R3HDM1: variants seen among roughly 807,000 people sequenced by gnomAD.
R3HDM1 encodes R3H domain containing 1, also known as R3H domain-containing protein 1.
A neutral mutation model predicts 141.1 loss-of-function variants in R3HDM1; 46 were observed. The observed-to-expected ratio is 0.33, with a 90% CI of 0.26 to 0.42. The LOEUF is 0.42. Among genes scored for constraint, R3HDM1 ranks in the 10% least tolerant of loss-of-function variants. R3HDM1 has a pLI of 1.00. For missense variants in R3HDM1, 1,184 were observed against 1,368.3 expected (o/e 0.87, Z 2.12); for synonymous variants, 435 against 472.9 (o/e 0.92, Z 1.04).
chr2:135,535,533 AATAAATAAATAT>A (rs1167279897), intron 1 of R3HDM1, among the ~76,000 whole-genome samples: 26 of 150,764 alleles, frequency 1.7e-4, no homozygotes, highest in African/African-American at 6.2e-4. Flanking sequence ...TAAATAAATA[AATAAATAAATAT>A]GAGATGGCTG....
intron 6 of R3HDM1, chr2:135,621,930 C>A: frequency 1.0e-6 from 1 of 981,348 alleles, no homozygotes; most frequent in Non-Finnish European, 1.2e-6. Flanking sequence ...CTCTTGAATT[C>A]CTTATGGTAC....
At chr2:135,640,270 G>A (rs2063670359) in intron 14 of R3HDM1, among the ~76,000 whole-genome samples, 1 of 152,152 alleles carries the variant, frequency 6.6e-6, no homozygotes, top group Admixed American at 6.5e-5. Flanking sequence ...TCTTTTTAAT[G>A]TATAATATGG....
At chr2:135,569,382 C>T (rs1703534609) in intron 1 of R3HDM1, among the ~76,000 whole-genome samples, 1 of 151,742 alleles carries the variant, frequency 6.6e-6, no homozygotes, top group African/African-American at 2.4e-5. Context: ...ACCTGGGAGG[C>T]TGAGGCAGGA....
In R3HDM1 at chr2:135,724,238, A is replaced by G. The variant is rs1423479773; in HGVS notation, c.3351A>G (p.Arg1117=). 1.2e-6 allele frequency: 2 copies of G among 1,613,844 alleles called. No individual in the cohort carries two copies. Among genetic ancestry groups the G allele is most frequent in the Admixed American group, 1.7e-5 (1 of 59,986 alleles). The change falls in exon 27 of 27, where the codon AGA becomes AGG. Residue 1117 remains arginine, a synonymous_variant. Transcript: ENST00000683871. ...ACTCAGTTAACAAGTTTAAGCTGAG[A>G]ACAAGCAAGAAGCACTATGACTTTC... is the stretch of plus-strand genomic sequence containing the variant. ...QINSVNKFKL[R]TSKKHYDFHI...
intron 14 of R3HDM1, among the ~76,000 whole-genome samples, chr2:135,640,428 T>G (rs1323324257): frequency 6.6e-6 from 1 of 152,240 alleles, no homozygotes; most frequent in Admixed American, 6.5e-5. Context: ...TATTTATGTA[T>G]CATGAGAAAA....
chr2:135,640,931 G>C (rs1039342807), intron 14 of R3HDM1, among the ~76,000 whole-genome samples: 1 of 152,034 alleles, frequency 6.6e-6, no homozygotes, highest in Admixed American at 6.6e-5. Flanking sequence ...ATAAGTACTT[G>C]GAATATATTT....
intron 1 of R3HDM1, among the ~76,000 whole-genome samples, chr2:135,595,573 G>A (rs570645099): frequency 6.6e-6 from 1 of 152,298 alleles, no homozygotes; most frequent in South Asian, 2.1e-4. Flanking sequence ...TAAAGCATTG[G>A]GAGTAGTGCT....
intron 21 of R3HDM1, among the ~76,000 whole-genome samples, chr2:135,701,306 C>A (rs747843546): frequency 6.6e-6 from 1 of 151,718 alleles, no homozygotes. Context: ...GGGAGACTGA[C>A]CTGATAGGAT....
At chr2:135,548,939 T>C (rs1467005379) in intron 1 of R3HDM1, among the ~76,000 whole-genome samples, 1 of 152,228 alleles carries the variant, frequency 6.6e-6, no homozygotes, top group East Asian at 1.9e-4. Flanking sequence ...TCCTAGTTTT[T>C]GAAATTTTGT....
chr2:135,557,953 CTA>C (rs1701091411), intron 1 of R3HDM1, among the ~76,000 whole-genome samples: 1 of 152,208 alleles, frequency 6.6e-6, no homozygotes, highest in Non-Finnish European at 1.5e-5. Flanking sequence ...TACATTAAAA[CTA>C]TGTAATTCTT....
At chr2:135,567,618 A>G (rs1044766655) in intron 1 of R3HDM1, among the ~76,000 whole-genome samples, 1 of 152,228 alleles carries the variant, frequency 6.6e-6, no homozygotes, top group Non-Finnish European at 1.5e-5. Context: ...AAAATCTTTA[A>G]TTAAATATTT....
chr2:135,561,655 C>G (rs560114632), intron 1 of R3HDM1, among the ~76,000 whole-genome samples: 52 of 151,862 alleles, frequency 3.4e-4, no homozygotes, highest in Non-Finnish European at 7.2e-4. Flanking sequence ...GATGTCGAGG[C>G]TGTAGCGAGC....
intron 11 of R3HDM1, among the ~76,000 whole-genome samples, chr2:135,637,819 T>G (rs1428846501): frequency 6.6e-6 from 1 of 152,212 alleles, no homozygotes; most frequent in Non-Finnish European, 1.5e-5. Context: ...GCTTTTTTCT[T>G]TTTTGGTCAG....
chr2:135,603,693 C>T (rs148250878), intron 2 of R3HDM1, among the ~76,000 whole-genome samples: 291 of 152,272 alleles, frequency 1.9e-3, no homozygotes, highest in Middle Eastern at 3.4e-3. Context: ...CTGGAACACA[C>T]GCCTTTTGGC....
Position 135,689,514 on chromosome 2 carries a change from G to A in R3HDM1, c.2459+9190G>A, listed in dbSNP as rs1199557222. ...AATAAGATTCCTATAAGAACACAAAGTGAGTCTTTGTTTTGAAAAATGTCT... is the reference window on the plus strand; with the variant it reads ...AATAAGATTCCTATAAGAACACAAAATGAGTCTTTGTTTTGAAAAATGTCT... On this transcript the variant is annotated intron_variant, in intron 21 of 26. Coordinates refer to ENST00000683871, the MANE Select transcript of R3HDM1 (RefSeq NM_001378107.1). Among the ~76,000 whole-genome samples the A allele has an allele frequency of 2.6e-5, 4 of 152,274 alleles. No individual in the cohort carries two copies. In the South Asian group the frequency reaches 8.3e-4, roughly 32 times the overall value.
intron 1 of R3HDM1, among the ~76,000 whole-genome samples, chr2:135,599,568 G>C (rs2059456062): frequency 6.6e-6 from 1 of 152,108 alleles, no homozygotes; most frequent in Non-Finnish European, 1.5e-5. Context: ...TGTCTATCTT[G>C]TAGCTTTCTA....
intron 23 of R3HDM1, 93 bp downstream of exon 23, chr2:135,710,324 A>G: frequency 7.4e-7 from 1 of 1,355,628 alleles, no homozygotes. Context: ...CCCGTCAGCC[A>G]GATTAATAAA....
Position 135,676,152 on chromosome 2 carries a change from C to A in R3HDM1, c.2307+666C>A, listed in dbSNP as rs183254484. On this transcript the variant is annotated intron_variant, in intron 20 of 26. Coordinates refer to ENST00000683871, the MANE Select transcript of R3HDM1 (RefSeq NM_001378107.1). ...GTCAGCCTGGCCAACATTGTGAAAC[C>A]CTGTTTCTACTAAAAACACAAAAAA... Among the ~76,000 whole-genome samples the A allele has an allele frequency of 1.2e-3, 178 of 151,754 alleles. 3 individuals are homozygous for A. Among genetic ancestry groups the A allele is most frequent in the African/African-American group, 3.7e-3 (153 of 41,160 alleles).
intron 1 of R3HDM1, among the ~76,000 whole-genome samples, chr2:135,565,443 T>C (rs1325129067): frequency 6.6e-6 from 1 of 151,004 alleles, no homozygotes; most frequent in African/African-American, 2.4e-5. Context: ...CCTTCTGCCT[T>C]AGCCTCCTAA....
Sources: gnomAD v4.1 joint callset for allele counts (sites outside exome capture counted in the v4.1 genomes callset) on GRCh38, gnomAD v4.1.1 for gene constraint, MANE v1.5 for transcripts, NCBI Gene and HGNC (gene_info 2026-07-23, HGNC 2026-07-21) for gene names.